Variants in KANK3 observed in about 807,000 individuals in gnomAD.
KANK3 encodes the protein KN motif and ankyrin repeat domain-containing protein 3.
KANK3 carries 61 observed loss-of-function variants against 65.4 expected under a neutral mutation model. The ratio of observed to expected loss-of-function variants is 0.93; its 90% CI spans 0.76 to 1.15. The LOEUF (loss-of-function observed/expected upper bound fraction) is 1.15. KANK3 is among the 50% of genes most tolerant of loss of function. The pLI, the probability that KANK3 is intolerant of heterozygous loss-of-function variation, is 0.00. For synonymous variants in KANK3, 586 were observed against 543.3 expected (o/e 1.08, Z -1.09); for missense variants, 1,187 against 1,178.8 (o/e 1.01, Z -0.10).
chr19:8,336,378 G>A (rs1173730731), intron 2 of KANK3, among the ~76,000 whole-genome samples: 1 of 151,350 alleles, frequency 6.6e-6, no homozygotes, highest in Non-Finnish European at 1.5e-5. Flanking sequence ...CGGAGTTTGA[G>A]GTGAGCCGAG....
Position 8,334,803 on chromosome 19 carries a change from C to A in KANK3, c.1024G>T (p.Glu342Ter), listed in dbSNP as rs1474995476. The A allele has an allele frequency of 2.7e-6, 4 of 1,495,610 alleles. No homozygotes were observed. The highest frequency in any genetic ancestry group is 1.5e-5 in the African/African-American group (1 of 68,218). The allele number at this position is 1,495,610 out of a possible 1,614,324, so 92.6% of individuals were successfully genotyped here. A position where few individuals can be genotyped will look rare whatever the true frequency, so the allele number is the denominator to read the frequency against. Reference sequence around the variant, plus strand: ...GCCGCAGGCAGCCCCAGCAGCGCCTCGGTCACCCACGCGTCCGCCTCCACG... The same window carrying A: ...GCCGCAGGCAGCCCCAGCAGCGCCTAGGTCACCCACGCGTCCGCCTCCACG... Reference protein sequence around the residue: ...ETVEADAWVTEALLGLPAAAE... With the variant: ...ETVEADAWVT Residue 342 changes from glutamate (E) to a stop codon, truncating the protein, a stop_gained, in exon 3 of 11, where the codon GAG becomes TAG. Transcript: ENST00000330915. LOFTEE classifies it high-confidence loss of function.
chr19:8,336,385 C>G (rs966302123), intron 2 of KANK3, among the ~76,000 whole-genome samples: 3 of 148,364 alleles, frequency 2.0e-5, no homozygotes, highest in East Asian at 4.0e-4. Context: ...TGAGGTGAGC[C>G]GAGATCGCAC....
chr19:8,337,661 G>T, intron 2 of KANK3, 134 bp downstream of exon 2: 1 of 1,060,218 alleles, frequency 9.4e-7, no homozygotes, highest in Non-Finnish European at 1.4e-6. Context: ...TGATGCCATA[G>T]GTGGTTTAAA....
intron 7 of KANK3, among the ~76,000 whole-genome samples, 198 bp from the exon 8 acceptor site, chr19:8,325,294 A>ATTTTTTTTTTT (rs1970406243): frequency 7.5e-5 from 5 of 66,498 alleles, no homozygotes; most frequent in African/African-American, 1.8e-4. Flanking sequence ...TTCCTGTTTC[A>ATTTTTTTTTTT]TCTTTTTTTT....
chr19:8,328,098 C>G (rs75235634), intron 7 of KANK3, among the ~76,000 whole-genome samples: 2 of 152,040 alleles, frequency 1.3e-5, no homozygotes, highest in Non-Finnish European at 2.9e-5. Context: ...GACAACAGAG[C>G]GAGACCTCAT....
At chr19:8,324,859 G>A (rs1195175502) in intron 8 of KANK3, 29 bp from the exon 9 acceptor site, 7 of 1,603,132 alleles carry the variant, frequency 4.4e-6, no homozygotes, top group South Asian at 2.2e-5. Flanking sequence ...GAGGGAACAG[G>A]CTGGGGTAGG....
intron 2 of KANK3, among the ~76,000 whole-genome samples, chr19:8,336,630 C>T (rs1970644041): frequency 9.4e-6 from 1 of 106,474 alleles, no homozygotes; most frequent in Non-Finnish European, 2.4e-5. Context: ...TGGTGAGCTA[C>T]TCAGGAGGCT....
intron 2 of KANK3, 127 bp downstream of exon 2, chr19:8,337,668 T>C (rs1407964138): frequency 8.5e-7 from 1 of 1,172,078 alleles, no homozygotes. Flanking sequence ...ATAGGTGGTT[T>C]AAAGCAGGCT....
chr19:8,324,989 G>C lies in KANK3; in HGVS notation c.2044C>G (p.Leu682Val). ...GCATTGACATCACCCATGCAGAAGA[G>C]TCTCTGGACCACAGCCATGTCCTCC... ...EEEDMAVVQR[L>V]FCMGDVNAKA... is the part of the protein sequence containing the mutation. The change falls in exon 8 of 11, where the codon CTC becomes GTC. Residue 682 changes from leucine (L) to valine (V), a missense_variant. Coordinates refer to ENST00000330915, the MANE Select transcript of KANK3 (RefSeq NM_198471.3). 6.2e-7 allele frequency: 1 copy of C among 1,612,720 alleles called. No individual in the cohort carries two copies. Among genetic ancestry groups the C allele is most frequent in the Non-Finnish European group, 8.5e-7 (1 of 1,179,844 alleles).
In KANK3 at chr19:8,325,092, G is replaced by A. The variant is rs756368086; in HGVS notation, c.1941C>T (p.Ala647=). 1 of 1,611,116 alleles carries A rather than the reference G, an allele frequency of 6.2e-7. No individual in the cohort carries two copies. Among genetic ancestry groups the A allele is most frequent in the East Asian group, 2.2e-5 (1 of 44,864 alleles). The change falls in exon 8 of 11, where the codon GCC becomes GCT. Residue 647 remains alanine, a synonymous_variant. Coordinates refer to ENST00000330915, the MANE Select transcript of KANK3 (RefSeq NM_198471.3). ...AIASLLLDTG[A]CEVNRQNRAG... ...CTCGGTTCTGGCGGTTGACCTCGCA[G>A]GCCCCTGGGAGAGAAAAGGGGGCCG...
At position 8,334,392 on chromosome 19, in the gene KANK3, C is replaced by T. The variant is rs767497580; in HGVS notation, c.1355G>A (p.Arg452Lys). 1.9e-6 allele frequency: 3 copies of T among 1,614,104 alleles called. No individual in the cohort carries two copies. Among genetic ancestry groups the T allele is most frequent in the Non-Finnish European group, 1.7e-6 (2 of 1,180,016 alleles). ...AGILKSIMKK[R>K]DGTPGAQPSS... The stretch of plus-strand genomic sequence containing the variant: ...GGGTTGGGCACCAGGTGTGCCGTCT[C>T]TCTTCTTCATGATGGATTTGAGGAT... Residue 452 changes from arginine to lysine, a missense_variant, in exon 4 of 11, where the codon AGA (arginine) becomes AAA (lysine). Coordinates refer to ENST00000330915, the MANE Select transcript of KANK3 (RefSeq NM_198471.3).
chr19:8,342,164 T>A (rs4804299), intron 1 of KANK3, among the ~76,000 whole-genome samples: 36,231 of 152,032 alleles, frequency 0.24, 4,581 homozygotes, highest in Admixed American at 0.33. Flanking sequence ...TGGCTAATTT[T>A]TGAATTTTTA....
rs760103169 is a variant in KANK3, at chr19:8,337,799, C to T, written c.30G>A (p.Leu10=). The part of the protein sequence containing the change: MAKFALNQN[L]PDLGGPRLCP... ...TCTCTCTTTTTGCACACTCACCGGG[C>T]AGGTTCTGATTCAGGGCAAACTTGG... is the stretch of plus-strand genomic sequence containing the variant. The change falls in exon 2 of 11, where the codon CTG becomes CTA. Residue 10 remains leucine (L), a synonymous_variant. Transcript: ENST00000330915. 1.2e-6 allele frequency: 2 copies of T among 1,613,246 alleles called. No homozygotes were observed. Among genetic ancestry groups the T allele is most frequent in the Admixed American group, 1.7e-5 (1 of 59,994 alleles).
chr19:8,341,242 T>A (rs2913964), intron 1 of KANK3, among the ~76,000 whole-genome samples: 89,637 of 147,182 alleles, frequency 0.61, 27,554 homozygotes, highest in African/African-American at 0.66. Context: ...TTTTTTTTTT[T>A]AGAGGCAATG....
rs770468433 is a variant in KANK3 at position 8,334,386 on chromosome 19, C to G, written c.1361G>C (p.Gly454Ala). Residue 454 changes from glycine to alanine, a missense_variant, in exon 4 of 11, where the codon GGC (glycine) becomes GCC (alanine). Physicochemically the swap from Gly to Ala is moderately conservative, Grantham distance 60. Coordinates refer to ENST00000330915, the MANE Select transcript of KANK3 (RefSeq NM_198471.3). ...ILKSIMKKRD[G>A]TPGAQPSSGP... ...GGAGCTGGGTTGGGCACCAGGTGTG[C>G]CGTCTCTCTTCTTCATGATGGATTT... 1.2e-6 allele frequency: 2 copies of G among 1,614,102 alleles called. No individual in the cohort carries two copies. Among genetic ancestry groups the G allele is most frequent in the Non-Finnish European group, 8.5e-7 (1 of 1,180,006 alleles).
chr19:8,337,714 G>A, intron 2 of KANK3, 81 bp downstream of exon 2: 1 of 1,513,378 alleles, frequency 6.6e-7, no homozygotes, highest in Non-Finnish European at 9.1e-7. Flanking sequence ...TAGGGCTGTA[G>A]GCTGCGTCCA....
chr19:8,332,218 C>A (rs977220770), intron 7 of KANK3, among the ~76,000 whole-genome samples: 2 of 151,800 alleles, frequency 1.3e-5, no homozygotes, highest in African/African-American at 4.8e-5. Flanking sequence ...CACTCTGTCG[C>A]CCAGGCTGGA....
At chr19:8,326,481 TAAA>T (rs369948563) in intron 7 of KANK3, among the ~76,000 whole-genome samples, 22 of 119,488 alleles carry the variant, frequency 1.8e-4, no homozygotes, top group Middle Eastern at 0.011. Flanking sequence ...CCACCTGTTG[TAAA>T]AAAAAAAAAA....
Position 8,333,868 on chromosome 19 carries a change from G to C in KANK3, c.1634+42C>G. 6.4e-7 allele frequency: 1 copy of C among 1,552,958 alleles called. No homozygotes were observed. Among genetic ancestry groups the C allele is most frequent in the Non-Finnish European group, 8.7e-7 (1 of 1,149,894 alleles). On this transcript the variant is annotated intron_variant, in intron 5 of 10. Coordinates refer to ENST00000330915, the MANE Select transcript of KANK3 (RefSeq NM_198471.3). The surrounding 1 kb of genome is among the most constrained non-coding windows in gnomAD (Gnocchi z 5.0). ...CGGGGACAGCGCCGACCAGGAGGAG[G>C]GCAGCCGCCTCCTCTCCAAACAACT...
Sources: allele counts gnomAD v4.1 joint callset (sites outside exome capture counted in the v4.1 genomes callset), GRCh38; gene constraint gnomAD v4.1.1; non-coding constraint Gnocchi (gnomAD v3.1); transcripts MANE v1.5; gene names NCBI Gene and HGNC (gene_info 2026-07-23, HGNC 2026-07-21).